BID: variants seen among roughly 807,000 people sequenced by gnomAD.
The protein encoded by BID is BH3-interacting domain death agonist.
A neutral mutation model predicts 17.4 loss-of-function variants in BID; 19 were observed. The ratio of observed to expected loss-of-function variants is 1.09; its 90% CI spans 0.76 to 1.60. The LOEUF is 1.60. BID is among the 40% of genes most tolerant of loss of function. The pLI is 0.00. For synonymous variants in BID, 108 were observed against 102.8 expected (o/e 1.05, Z -0.31); for missense variants, 226 against 256.0 (o/e 0.88, Z 0.80).
At position 17,738,021 on chromosome 22, in the gene BID, C is replaced by T; in HGVS notation, c.572G>A (p.Arg191Lys). The change falls in exon 5 of 6, where the codon AGA becomes AAA. Residue 191 changes from arginine (R) to lysine (K), a missense_variant. Physicochemically the swap from Arg to Lys is conservative, Grantham distance 26. Transcript: ENST00000622694. ...NLRTYVRSLA[R>K]NGMD is the part of the protein sequence containing the mutation. ...GCTGACCTCAAGGGTTCTTACATTT[C>T]TGGCTAAGCTCCTCACGTAGGTGCG... 1 of 1,614,130 alleles carries T rather than the reference C, an allele frequency of 6.2e-7. No individual in the cohort carries two copies. Among genetic ancestry groups the T allele is most frequent in the East Asian group, 2.2e-5 (1 of 44,886 alleles).
chr22:17,735,512 C>T lies in BID; in HGVS notation c.*68G>A. On this transcript the variant is annotated 3_prime_UTR_variant, in exon 6 of 6. Coordinates refer to ENST00000622694, the MANE Select transcript of BID (RefSeq NM_001196.4). ...TGTTGACATGCCAGGGCTCCGTCTA[C>T]ACTGGAAGCAGCTATACAGCTGTGA... 1 of 1,599,892 alleles carries T rather than the reference C, an allele frequency of 6.3e-7. No homozygotes were observed. Among genetic ancestry groups the T allele is most frequent in the South Asian group, 1.1e-5 (1 of 90,760 alleles).
At chr22:17,756,149 G>A (rs1303586858) in intron 1 of BID, among the ~76,000 whole-genome samples, 5 of 152,238 alleles carry the variant, frequency 3.3e-5, no homozygotes, top group Non-Finnish European at 7.3e-5. Context: ...TTACAGGCGT[G>A]AGCCACTGCA....
At chr22:17,768,937 G>C (rs2061698888) in intron 1 of BID, among the ~76,000 whole-genome samples, 1 of 150,758 alleles carries the variant, frequency 6.6e-6, no homozygotes, top group South Asian at 2.1e-4. Flanking sequence ...AGCTACTCAG[G>C]AGGCTGAGAC....
chr22:17,739,446 T>C lies in BID; in HGVS notation c.266A>G (p.His89Arg), dbSNP rs765274901. 2 of 1,612,494 alleles carry C rather than the reference T, an allele frequency of 1.2e-6. No homozygotes were observed. Among genetic ancestry groups the C allele is most frequent in the Non-Finnish European group, 8.5e-7 (1 of 1,179,808 alleles). The change falls in exon 4 of 6, where the codon CAC (histidine) becomes CGC (arginine). Residue 89 changes from histidine (H) to arginine (R), a missense_variant. His to Arg is a conservative substitution (Grantham distance 29). Coordinates refer to ENST00000622694, the MANE Select transcript of BID (RefSeq NM_001196.4). ...CATGCTGTCCCCGACCTGGGCGAGG[T>C]GCCTGGCAATATTCCGGATGATGTC... is the stretch of plus-strand genomic sequence containing the variant. ...QEDIIRNIAR[H>R]LAQVGDSMDR...
rs540303205 is a variant in BID at position 17,768,678 on chromosome 22, C to T, written c.-59+5703G>A. Reference sequence around the variant, plus strand: ...CACGAGGTCAGGAGATCGAGACCATCCTGGCTAACACGGTGAAACCCCTTC... The same window carrying T: ...CACGAGGTCAGGAGATCGAGACCATTCTGGCTAACACGGTGAAACCCCTTC... On this transcript the variant is annotated intron_variant, in intron 1 of 5. Transcript: ENST00000622694. Among the ~76,000 whole-genome samples the T allele has an allele frequency of 2.0e-5, 3 of 152,310 alleles. No homozygotes were observed. In the South Asian group the frequency reaches 6.2e-4, roughly 32 times the overall value.
intron 5 of BID, 75 bp from the exon 6 acceptor site, chr22:17,735,666 A>G (rs989604541): frequency 3.8e-6 from 6 of 1,570,364 alleles, no homozygotes; most frequent in Non-Finnish European, 4.4e-6. Context: ...TCTGTGCCAC[A>G]GTAGAGCAAA....
Position 17,774,467 on chromosome 22 carries a change from C to G in BID, c.-145G>C. On this transcript the variant is annotated 5_prime_UTR_variant, in exon 1 of 6. Transcript: ENST00000622694. ...GACACGGTCGACTACCCGCTTCCTCCTTATGGCGCCCCGCGCGCTTCCTCC... is the reference window on the plus strand; with the variant it reads ...GACACGGTCGACTACCCGCTTCCTCGTTATGGCGCCCCGCGCGCTTCCTCC... 1 of 288,220 alleles carries G rather than the reference C, an allele frequency of 3.5e-6. No individual in the cohort carries two copies. The highest frequency in any genetic ancestry group is 7.4e-6 in the Non-Finnish European group (1 of 135,812). The allele number at this position is 288,220 out of a possible 1,614,324, so 17.9% of individuals were successfully genotyped here. A position where few individuals can be genotyped will look rare whatever the true frequency, so the allele number is the denominator to read the frequency against.
At chr22:17,762,404 A>G (rs112585803) in intron 1 of BID, among the ~76,000 whole-genome samples, 101 of 152,192 alleles carry the variant, frequency 6.6e-4, no homozygotes, top group African/African-American at 2.4e-3. Flanking sequence ...GCTGAGGCAG[A>G]AGAATTGCTT....
At chr22:17,759,756 A>G (rs768695931) in intron 1 of BID, among the ~76,000 whole-genome samples, 4 of 152,172 alleles carry the variant, frequency 2.6e-5, no homozygotes, top group Admixed American at 6.5e-5. Context: ...TTTAAAAAGG[A>G]CAGATTCTTA....
chr22:17,756,729 T>A (rs1321489612), intron 1 of BID, among the ~76,000 whole-genome samples: 1 of 151,830 alleles, frequency 6.6e-6, no homozygotes, highest in Non-Finnish European at 1.5e-5. Flanking sequence ...GCATGCACCA[T>A]CATGCCCAGC....
intron 2 of BID, among the ~76,000 whole-genome samples, chr22:17,744,292 G>A (rs1418258677): frequency 6.6e-6 from 1 of 152,176 alleles, no homozygotes; most frequent in Non-Finnish European, 1.5e-5. Context: ...TGAAACACGC[G>A]GCTGGGGAGC....
intron 1 of BID, among the ~76,000 whole-genome samples, chr22:17,754,163 T>C (rs1313085259): frequency 7.1e-6 from 1 of 140,522 alleles, no homozygotes. Context: ...GGGGGTGACA[T>C]TCCCCCAGTC....
intron 1 of BID, among the ~76,000 whole-genome samples, chr22:17,768,385 A>T (rs566181166): frequency 2.0e-5 from 3 of 152,214 alleles, no homozygotes; most frequent in Non-Finnish European, 4.4e-5. Flanking sequence ...CCCAGAAGTC[A>T]GTGGACCCCT....
intron 1 of BID, 53 bp from the exon 2 acceptor site, chr22:17,750,227 A>T (rs1237924462): frequency 6.6e-7 from 1 of 1,516,874 alleles, no homozygotes; most frequent in South Asian, 1.2e-5. Flanking sequence ...CCTGGTCAGG[A>T]CCCCTCGGGA....
At chr22:17,737,142 G>T (rs530829617) in intron 5 of BID, among the ~76,000 whole-genome samples, 242 of 151,806 alleles carry the variant, frequency 1.6e-3, no homozygotes, top group Non-Finnish European at 2.7e-3. Flanking sequence ...TAGAGACAGG[G>T]TCTCGCCATG....
intron 1 of BID, among the ~76,000 whole-genome samples, chr22:17,771,292 G>T (rs67330875): frequency 0.17 from 25,180 of 152,084 alleles, 2,690 homozygotes; most frequent in East Asian, 0.48. Context: ...GTAGAGACGG[G>T]GTTTCAACGT....
At chr22:17,764,654 T>C (rs1028511300) in intron 1 of BID, among the ~76,000 whole-genome samples, 5 of 152,218 alleles carry the variant, frequency 3.3e-5, no homozygotes, top group African/African-American at 1.2e-4. Context: ...GTCACATTTA[T>C]TGAATCAGCT....
At chr22:17,768,666 G>A (rs1196018659) in intron 1 of BID, among the ~76,000 whole-genome samples, 1 of 152,210 alleles carries the variant, frequency 6.6e-6, no homozygotes, top group East Asian at 1.9e-4. Context: ...GAGGTCAGGA[G>A]ATCGAGACCA....
At chr22:17,746,196 G>A (rs1481137459) in intron 2 of BID, among the ~76,000 whole-genome samples, 1 of 151,622 alleles carries the variant, frequency 6.6e-6, no homozygotes, top group African/African-American at 2.4e-5. Flanking sequence ...CGAAGATGGA[G>A]AGAGCAGGCA....
Sources: allele counts gnomAD v4.1 joint callset (sites outside exome capture counted in the v4.1 genomes callset), GRCh38; gene constraint gnomAD v4.1.1; transcripts MANE v1.5; gene names NCBI Gene and HGNC (gene_info 2026-07-23, HGNC 2026-07-21).